KAZN: variants seen among roughly 807,000 people sequenced by gnomAD.
The protein encoded by KAZN is kazrin.
Under a neutral mutation model 87.4 loss-of-function variants are expected in KAZN, and 40 were observed. The ratio of observed to expected loss-of-function variants is 0.46; its 90% confidence interval spans 0.36 to 0.60. The LOEUF (loss-of-function observed/expected upper bound fraction) is 0.60, where lower values mean the gene tolerates loss of function less well. Ranked by LOEUF, KAZN falls within the 20% of genes least tolerant of loss-of-function variation. The pLI, the probability that KAZN is intolerant of heterozygous loss-of-function variation, is 0.00. For missense variants in KAZN, 898 were observed against 1,073.9 expected, an observed-to-expected ratio of 0.84 and a Z score of 2.29; for synonymous variants, 466 against 458.3, an observed-to-expected ratio of 1.02 and a Z score of -0.22.
chr1:14,482,498 G>T (rs760993779), intron 2 of KAZN, among the ~76,000 whole-genome samples: 2 of 151,062 alleles, frequency 1.3e-5, no homozygotes, highest in Non-Finnish European at 1.5e-5. Context: ...GACTCTATTT[G>T]CTCATCTGTA....
intron 2 of KAZN, among the ~76,000 whole-genome samples, chr1:14,419,779 C>T (rs573698408): frequency 6.6e-6 from 1 of 152,022 alleles, no homozygotes; most frequent in African/African-American, 2.4e-5. Context: ...TTTGTCCCTC[C>T]CATCCGGAGT....
intron 1 of KAZN, among the ~76,000 whole-genome samples, chr1:14,939,053 A>G (rs1047416455): frequency 9.2e-5 from 14 of 151,808 alleles, no homozygotes; most frequent in African/African-American, 3.4e-4. Flanking sequence ...GTTCACTGCA[A>G]CCACCACCTC....
At chr1:14,655,750 A>G (rs779953293) in intron 1 of KAZN, among the ~76,000 whole-genome samples, 10 of 152,342 alleles carry the variant, frequency 6.6e-5, no homozygotes, top group African/African-American at 2.2e-4. Context: ...CGAATAATTC[A>G]GCTGTGTATG....
intron 1 of KAZN, among the ~76,000 whole-genome samples, chr1:14,122,161 G>A (rs1053590618): frequency 1.3e-5 from 2 of 152,158 alleles, no homozygotes; most frequent in African/African-American, 4.8e-5. Context: ...ATGAAAGCTG[G>A]GTGCCAGCAG....
intron 1 of KAZN, among the ~76,000 whole-genome samples, chr1:13,946,782 C>T (rs12133416): frequency 0.14 from 21,132 of 152,170 alleles, 1,568 homozygotes; most frequent in Middle Eastern, 0.22. Flanking sequence ...TACTTCCTAG[C>T]ACTGCACCTG....
chr1:14,293,486 A>G (rs991924851), intron 2 of KAZN, among the ~76,000 whole-genome samples: 6 of 152,074 alleles, frequency 3.9e-5, no homozygotes, highest in Admixed American at 6.5e-5. Context: ...CCTTTCTGGC[A>G]TTGCTGGTGT....
chr1:14,497,334 CTAAA>C (rs1669998867), intron 2 of KAZN, among the ~76,000 whole-genome samples: 2 of 20,448 alleles, frequency 9.8e-5, no homozygotes, highest in South Asian at 1.6e-3. Flanking sequence ...AATTCTGTTA[CTAAA>C]AAAAAAAAAA....
intron 1 of KAZN, among the ~76,000 whole-genome samples, chr1:13,980,931 CT>C (rs1638633795): frequency 6.6e-6 from 1 of 151,446 alleles, no homozygotes; most frequent in African/African-American, 2.4e-5. Flanking sequence ...GGCAGTCAGA[CT>C]TTATGTATAG....
At chr1:15,110,182 TGTTGTG>T (rs1316022652) in intron 13 of KAZN, among the ~76,000 whole-genome samples, 3 of 106,376 alleles carry the variant, frequency 2.8e-5, no homozygotes, top group Non-Finnish European at 6.3e-5. Context: ...TGTATATGTG[TGTTGTG>T]TATGTGTGTA....
intron 1 of KAZN, among the ~76,000 whole-genome samples, chr1:14,696,829 G>T (rs558648887): frequency 6.6e-6 from 1 of 152,258 alleles, no homozygotes; most frequent in African/African-American, 2.4e-5. Flanking sequence ...CATTGATGAG[G>T]TCAACCAGGA....
At chr1:14,736,029 C>T (rs968902359) in intron 1 of KAZN, among the ~76,000 whole-genome samples, 4 of 152,114 alleles carry the variant, frequency 2.6e-5, no homozygotes, top group African/African-American at 9.7e-5. Flanking sequence ...ATAAGACAGG[C>T]CGTCGGTCCA....
At chr1:14,581,160 T>C (rs746037622) in intron 2 of KAZN, among the ~76,000 whole-genome samples, 5 of 152,194 alleles carry the variant, frequency 3.3e-5, no homozygotes, top group Admixed American at 2.6e-4. Flanking sequence ...TGTATCCAAC[T>C]GTCCACCTGA....
intron 1 of KAZN, among the ~76,000 whole-genome samples, chr1:14,748,500 G>A (rs950470014): frequency 1.2e-4 from 18 of 152,256 alleles, no homozygotes; most frequent in Admixed American, 5.2e-4. Context: ...TTGTGCCTCC[G>A]TCGTCTCATC....
intron 1 of KAZN, among the ~76,000 whole-genome samples, chr1:14,116,696 C>T (rs1447569426): frequency 6.6e-6 from 1 of 152,096 alleles, no homozygotes; most frequent in Non-Finnish European, 1.5e-5. Context: ...TCCTCCAGAC[C>T]CCAGAATGGT....
At chr1:14,791,298 G>A (rs547768892) in intron 1 of KAZN, among the ~76,000 whole-genome samples, 3 of 152,302 alleles carry the variant, frequency 2.0e-5, no homozygotes, top group Admixed American at 6.5e-5. Context: ...CAGATAAGTG[G>A]CTTTGGAGGA....
At chr1:14,883,314 A>G (rs71510965) in intron 1 of KAZN, among the ~76,000 whole-genome samples, 8,125 of 42,078 alleles carry the variant, frequency 0.19, 887 homozygotes, top group East Asian at 0.4. Context: ...GAAAGAAAGA[A>G]AGAAAGAGAG....
At chr1:14,223,794 T>C (rs1250741938) in intron 2 of KAZN, among the ~76,000 whole-genome samples, 3 of 152,218 alleles carry the variant, frequency 2.0e-5, no homozygotes, top group Non-Finnish European at 1.5e-5. Context: ...AAACCTCATC[T>C]ATCTGGCTTG....
At chr1:14,317,859 T>C (rs1655766129) in intron 2 of KAZN, among the ~76,000 whole-genome samples, 1 of 152,014 alleles carries the variant, frequency 6.6e-6, no homozygotes, top group Admixed American at 6.6e-5. Context: ...TCCAAGAACC[T>C]ATCCATGACA....
chr1:14,163,459 T>C (rs1570911165), intron 1 of KAZN, among the ~76,000 whole-genome samples: 1 of 152,204 alleles, frequency 6.6e-6, no homozygotes, highest in Admixed American at 6.5e-5. Context: ...TTTACTGACA[T>C]TGTGCATATC....
Sources: gnomAD v4.1 joint callset for allele counts (sites outside exome capture counted in the v4.1 genomes callset) on GRCh38, gnomAD v4.1.1 for gene constraint, MANE v1.5 for transcripts, NCBI Gene and HGNC (gene_info 2026-07-23, HGNC 2026-07-21) for gene names.